Variants in SHC3 observed in about 807,000 individuals in gnomAD.
SHC3 encodes the protein SHC-transforming protein 3.
SHC3 carries 15 observed loss-of-function variants against 60.4 expected under a neutral mutation model. The observed-to-expected ratio is 0.25, with a 90% confidence interval of 0.17 to 0.38. SHC3 has a LOEUF of 0.38. Among genes scored for constraint, SHC3 ranks in the 10% least tolerant of loss-of-function variants. The pLI, the probability that SHC3 is intolerant of heterozygous loss-of-function variation, is 1.00. For synonymous variants in SHC3, 294 were observed against 325.9 expected (o/e 0.90, Z 1.05); for missense variants, 677 against 786.1 (o/e 0.86, Z 1.66).
At chr9:89,027,673 C>G (rs1053269811) in intron 11 of SHC3, among the ~76,000 whole-genome samples, 1 of 152,158 alleles carries the variant, frequency 6.6e-6, no homozygotes, top group African/African-American at 2.4e-5. Flanking sequence ...ATTGCCCTAT[C>G]CCACCTTCTC....
At chr9:89,086,100 T>C (rs1321960853) in intron 2 of SHC3, among the ~76,000 whole-genome samples, 1 of 152,182 alleles carries the variant, frequency 6.6e-6, no homozygotes, top group Non-Finnish European at 1.5e-5. Context: ...GTTACCATCA[T>C]CAATATCTCC....
intron 11 of SHC3, among the ~76,000 whole-genome samples, chr9:89,028,610 C>A (rs956451218): frequency 1.4e-5 from 2 of 143,196 alleles, no homozygotes; most frequent in Admixed American, 1.4e-4. Flanking sequence ...TATATATATG[C>A]TATAGATATA....
chr9:89,178,801 A>C lies in SHC3; in HGVS notation c.-341T>G. 4.5e-6 allele frequency: 1 copy of C among 223,246 alleles called. No homozygotes were observed. Among genetic ancestry groups the C allele is most frequent in the Non-Finnish European group, 8.7e-6 (1 of 114,588 alleles). The allele number at this position is 223,246 out of a possible 1,614,324, so 13.8% of individuals were successfully genotyped here. A position where few individuals can be genotyped will look rare whatever the true frequency, so the allele number is the denominator to read the frequency against. ...TCTGAGAGGAGACCCTTCTCAACAA[A>C]GGCTCGGTGAGCACTGCAAATCACT... On this transcript the variant is annotated 5_prime_UTR_variant, in exon 1 of 12. Transcript: ENST00000375835. The surrounding 1 kb of genome is among the most constrained non-coding windows in gnomAD (Gnocchi z 6.9).
At chr9:89,154,810 C>T (rs1219702408) in intron 1 of SHC3, among the ~76,000 whole-genome samples, 1 of 152,208 alleles carries the variant, frequency 6.6e-6, no homozygotes, top group Non-Finnish European at 1.5e-5. Flanking sequence ...AACCACTGTG[C>T]TTGATTTCAT....
chr9:89,034,348 T>C (rs906688025), intron 11 of SHC3, among the ~76,000 whole-genome samples: 2 of 152,182 alleles, frequency 1.3e-5, no homozygotes, highest in African/African-American at 4.8e-5. Flanking sequence ...AATGGATGAA[T>C]GAAATTTTTT....
intron 1 of SHC3, among the ~76,000 whole-genome samples, chr9:89,171,295 A>G (rs1826865828): frequency 6.6e-6 from 1 of 152,036 alleles, no homozygotes; most frequent in Admixed American, 6.5e-5. Context: ...GGAAATTTTT[A>G]ATGTTTGCAA....
At chr9:89,077,945 G>A (rs753183176) in intron 2 of SHC3, 42 bp from the exon 3 acceptor site, 61 of 1,608,894 alleles carry the variant, frequency 3.8e-5, no homozygotes, top group East Asian at 6.7e-5. Flanking sequence ...CGTGTCAGTC[G>A]GGATTATGGA....
intron 11 of SHC3, among the ~76,000 whole-genome samples, chr9:89,025,024 T>C (rs952600179): frequency 3.9e-5 from 6 of 152,186 alleles, no homozygotes; most frequent in African/African-American, 1.4e-4. Flanking sequence ...TAAGTGGAGT[T>C]GCCCTGTGGG....
intron 10 of SHC3, 107 bp from the exon 11 acceptor site, chr9:89,038,395 C>T: frequency 8.1e-7 from 1 of 1,241,760 alleles, no homozygotes; most frequent in African/African-American, 1.5e-5. Context: ...AAAGGCAACT[C>T]CTCCAGAAGG....
chr9:89,108,553 A>G (rs1291072625), intron 2 of SHC3, among the ~76,000 whole-genome samples: 4 of 151,958 alleles, frequency 2.6e-5, no homozygotes, highest in Non-Finnish European at 5.9e-5. Context: ...ACACACACAC[A>G]CACACACATA....
At chr9:89,093,283 A>C (rs564195648) in intron 2 of SHC3, among the ~76,000 whole-genome samples, 25 of 152,332 alleles carry the variant, frequency 1.6e-4, no homozygotes, top group Middle Eastern at 6.8e-3. Flanking sequence ...AATTGCATAG[A>C]ATGGTTCCAT....
At chr9:89,023,185 T>C (rs928727360) in intron 11 of SHC3, among the ~76,000 whole-genome samples, 2 of 152,212 alleles carry the variant, frequency 1.3e-5, no homozygotes, top group African/African-American at 4.8e-5. Context: ...TGAGAGCTGA[T>C]TGCCCTTCAG....
intron 1 of SHC3, among the ~76,000 whole-genome samples, chr9:89,141,094 A>G (rs1316123013): frequency 2.0e-5 from 3 of 152,104 alleles, no homozygotes; most frequent in Admixed American, 2.0e-4. Flanking sequence ...CAGTTTTTGG[A>G]GGAGAAGAGA....
At chr9:89,065,658 C>A in intron 5 of SHC3, 78 bp from the exon 6 acceptor site, 2 of 1,434,626 alleles carry the variant, frequency 1.4e-6, no homozygotes, top group South Asian at 2.3e-5. Flanking sequence ...GGGCACAAAC[C>A]AGTGAGCTTA....
chr9:89,072,833 A>T (rs943636360), intron 4 of SHC3, among the ~76,000 whole-genome samples: 1 of 152,232 alleles, frequency 6.6e-6, no homozygotes, highest in Admixed American at 6.5e-5. Context: ...CATACATCCC[A>T]GGGATTTGTC....
At chr9:89,114,481 C>T (rs1329997665) in intron 1 of SHC3, among the ~76,000 whole-genome samples, 2 of 151,836 alleles carry the variant, frequency 1.3e-5, no homozygotes, top group African/African-American at 4.8e-5. Flanking sequence ...ATAGTAACAA[C>T]TATTTACATA....
At chr9:89,112,662 G>C in intron 1 of SHC3, 36 bp from the exon 2 acceptor site, 1 of 1,554,466 alleles carries the variant, frequency 6.4e-7, no homozygotes, top group Non-Finnish European at 8.7e-7. Flanking sequence ...TGAGCCCTGA[G>C]ATTTGAGATA....
intron 1 of SHC3, among the ~76,000 whole-genome samples, chr9:89,117,582 C>T (rs1427452326): frequency 6.6e-6 from 1 of 151,930 alleles, no homozygotes. Flanking sequence ...AAAATTATTG[C>T]TTTCAGTTGT....
chr9:89,139,918 C>A (rs7466321), intron 1 of SHC3, among the ~76,000 whole-genome samples: 3,893 of 152,194 alleles, frequency 0.026, 74 homozygotes, highest in Middle Eastern at 0.068. Context: ...GAACAATTTT[C>A]AAAACTTAAA....
Sources: allele counts gnomAD v4.1 joint callset (sites outside exome capture counted in the v4.1 genomes callset), GRCh38; gene constraint gnomAD v4.1.1; non-coding constraint Gnocchi (gnomAD v3.1); transcripts MANE v1.5; gene names NCBI Gene and HGNC (gene_info 2026-07-23, HGNC 2026-07-21).